Variants in PANX1 observed in about 807,000 individuals in gnomAD.
PANX1 encodes pannexin 1.
In PANX1, 30 loss-of-function variants were observed where a neutral mutation model predicts 38.7. The ratio of observed to expected loss-of-function variants is 0.78; its 90% CI spans 0.58 to 1.05. The LOEUF is 1.05. Among genes scored for constraint, PANX1 ranks in the 50% least tolerant of loss-of-function variants. The probability of loss-of-function intolerance (pLI) is 0.00; values close to 1 mark genes in which losing one functional copy is unlikely to be tolerated. For synonymous variants in PANX1, 230 were observed against 212.2 expected, an observed-to-expected ratio of 1.08 and a Z score of -0.73; for missense variants, 551 against 517.2, an observed-to-expected ratio of 1.07 and a Z score of -0.63.
chr11:94,148,097 T>G (rs1946847915), intron 1 of PANX1, among the ~76,000 whole-genome samples: 2 of 152,184 alleles, frequency 1.3e-5, no homozygotes, highest in Admixed American at 1.3e-4. Flanking sequence ...ATTTTTTAGT[T>G]TGGGCTGCGG....
chr11:94,130,711 C>T (rs1946620090), intron 1 of PANX1, among the ~76,000 whole-genome samples: 2 of 152,074 alleles, frequency 1.3e-5, no homozygotes, highest in South Asian at 4.2e-4. Context: ...AGTAAATAAG[C>T]AGCACTTGAG....
Position 94,129,118 on chromosome 11 carries a change from A to AGGC in PANX1, c.-194_-192dup, listed in dbSNP as rs1946591660. ...CCCCGCCCCGCCCCGCCGGCGGCGGAGGCAGCGAGCGCGAGAGCCCAGCGG... is the reference window on the plus strand; with the variant it reads ...CCCCGCCCCGCCCCGCCGGCGGCGGAGGCGGCAGCGAGCGCGAGAGCCCAGCGG... On this transcript the variant is annotated 5_prime_UTR_variant, in exon 1 of 5. Transcript: ENST00000227638. The AGGC allele has an allele frequency of 2.3e-6, 1 of 440,920 alleles. No homozygotes were observed. Among genetic ancestry groups the AGGC allele is most frequent in the African/African-American group, 2.1e-5 (1 of 47,218 alleles). 27.3% of individuals were successfully genotyped at this position (440,920 alleles called of 1,614,324 possible).
intron 1 of PANX1, among the ~76,000 whole-genome samples, chr11:94,147,285 A>G (rs1469305640): frequency 6.6e-6 from 1 of 152,178 alleles, no homozygotes; most frequent in Non-Finnish European, 1.5e-5. Flanking sequence ...TCTGATGACA[A>G]AAGTAAAATA....
chr11:94,175,415 AACTATTCATTGTACC>A (rs1309729077), intron 2 of PANX1, among the ~76,000 whole-genome samples: 4 of 151,764 alleles, frequency 2.6e-5, no homozygotes, highest in African/African-American at 9.8e-5. Flanking sequence ...AGCTGTGCTG[AACTATTCATTGTACC>A]ACTTATTGTA....
At chr11:94,131,770 T>G (rs1946632108) in intron 1 of PANX1, among the ~76,000 whole-genome samples, 1 of 152,134 alleles carries the variant, frequency 6.6e-6, no homozygotes. Flanking sequence ...GTACATAGAT[T>G]AATACATGGA....
chr11:94,170,610 C>T (rs1947154303), intron 2 of PANX1, among the ~76,000 whole-genome samples: 1 of 151,734 alleles, frequency 6.6e-6, no homozygotes, highest in Non-Finnish European at 1.5e-5. Flanking sequence ...TTTCTTGTGG[C>T]TTCTCCACAC....
Position 94,180,226 on chromosome 11 carries a change from G to A in PANX1, c.1170G>A (p.Glu390=). The A allele has an allele frequency of 6.2e-7, 1 of 1,608,878 alleles. No individual in the cohort carries two copies. The highest frequency in any genetic ancestry group is 8.5e-7 in the Non-Finnish European group (1 of 1,175,974). ...CTCCCATGTCTGCAGAGATGAGAGA[G>A]GAGCAGGGGAACCAGACGGCAGAGC... ...GKTPMSAEMR[E]EQGNQTAELQ... The change falls in exon 4 of 5, where the codon GAG becomes GAA. Residue 390 remains glutamate, a synonymous_variant. Coordinates refer to ENST00000227638, the MANE Select transcript of PANX1 (RefSeq NM_015368.4).
chr11:94,145,535 CAATCTTTGGCCTGT>C, intron 1 of PANX1, among the ~76,000 whole-genome samples: 1 of 152,204 alleles, frequency 6.6e-6, no homozygotes, highest in East Asian at 1.9e-4. Context: ...CATGGAACCA[CAATCTTTGGCCTGT>C]ACCAGGCTGG....
chr11:94,145,096 T>C lies in PANX1; in HGVS notation c.182-8395T>C, dbSNP rs1946812108. ...TGGTTATATGTGATTTTTTCCAACA[T>C]GTGAATGATTTGTGCCATCAAGTAA... On this transcript the variant is annotated intron_variant, in intron 1 of 4. Transcript: ENST00000227638. Among the ~76,000 whole-genome samples, 2 of 152,272 alleles carry C rather than the reference T, an allele frequency of 1.3e-5. 1 individual carries two copies. The highest frequency in any genetic ancestry group is 4.1e-4 in the South Asian group (2 of 4,826).
chr11:94,161,912 T>A (rs1465759900), intron 2 of PANX1, among the ~76,000 whole-genome samples: 2 of 152,202 alleles, frequency 1.3e-5, no homozygotes, highest in African/African-American at 4.8e-5. Context: ...GGATGTCCTT[T>A]CTCTTTGTTA....
chr11:94,163,137 C>A (rs1947066547), intron 2 of PANX1, among the ~76,000 whole-genome samples: 1 of 152,130 alleles, frequency 6.6e-6, no homozygotes, highest in Non-Finnish European at 1.5e-5. Context: ...GCGTGAGCCA[C>A]CACACCTGGC....
chr11:94,134,115 A>G (rs1440071309), intron 1 of PANX1, among the ~76,000 whole-genome samples: 3 of 152,176 alleles, frequency 2.0e-5, no homozygotes, highest in African/African-American at 7.2e-5. Context: ...TGTGCCTCAG[A>G]TTCTTTTTTA....
rs541103437 is a variant in PANX1, at chr11:94,131,570, G to T, written c.181+2077G>T. 3.9e-5 allele frequency among the ~76,000 whole-genome samples: 6 copies of T among 152,330 alleles called. No individual in the cohort carries two copies. In the South Asian group the frequency reaches 1.0e-3, roughly 26 times the overall value. On this transcript the variant is annotated intron_variant, in intron 1 of 4. Transcript: ENST00000227638. Reference sequence around the variant, plus strand: ...GCCAGGTGTTGAGCTATGAGCTCCAGGCTGGTGAAGGTTGGCAGGCACTTG... The same window carrying T: ...GCCAGGTGTTGAGCTATGAGCTCCATGCTGGTGAAGGTTGGCAGGCACTTG...
At chr11:94,135,186 CG>C (rs1946674360) in intron 1 of PANX1, among the ~76,000 whole-genome samples, 1 of 152,096 alleles carries the variant, frequency 6.6e-6, no homozygotes, top group South Asian at 2.1e-4. Flanking sequence ...TCTGGTCAGC[CG>C]GGGACCCTGC....
At chr11:94,168,427 T>A (rs906279606) in intron 2 of PANX1, among the ~76,000 whole-genome samples, 4 of 150,922 alleles carry the variant, frequency 2.7e-5, no homozygotes, top group Non-Finnish European at 2.9e-5. Flanking sequence ...AGTAATGGTG[T>A]ACAGGAGAGA....
chr11:94,144,630 G>T (rs1210851935), intron 1 of PANX1, among the ~76,000 whole-genome samples: 2 of 152,146 alleles, frequency 1.3e-5, no homozygotes, highest in Non-Finnish European at 2.9e-5. Context: ...GGAGATTGGT[G>T]CTGGCCCTTT....
intron 1 of PANX1, among the ~76,000 whole-genome samples, chr11:94,144,104 C>G (rs2134483551): frequency 6.6e-6 from 1 of 152,112 alleles, no homozygotes; most frequent in African/African-American, 2.4e-5. Flanking sequence ...CAGTGAAGAC[C>G]AGCTGAAGAG....
intron 1 of PANX1, among the ~76,000 whole-genome samples, chr11:94,147,891 A>G (rs1284851481): frequency 1.3e-5 from 2 of 152,160 alleles, no homozygotes; most frequent in Non-Finnish European, 2.9e-5. Context: ...GATCTATTCA[A>G]CAGGGTTGGG....
rs771621539 is a variant in PANX1 at position 94,180,004 on chromosome 11, T to A, written c.948T>A (p.Asp316Glu). The A allele has an allele frequency of 3.8e-6, 6 of 1,596,374 alleles. No individual in the cohort carries two copies. Among genetic ancestry groups the A allele is most frequent in the Non-Finnish European group, 5.1e-6 (6 of 1,168,364 alleles). ...LKVYEILPTFDVLHFKSEGYN... is the reference protein window; with the variant it reads ...LKVYEILPTFEVLHFKSEGYN... ...TGTACGAAATCCTCCCCACTTTTGA[T>A]GTTCTGCATTTCAAATCTGAAGGGT... The change falls in exon 4 of 5, where the codon GAT (aspartate) becomes GAA (glutamate). Residue 316 changes from aspartate to glutamate, a missense_variant. Transcript: ENST00000227638.
Sources: allele counts gnomAD v4.1 joint callset (sites outside exome capture counted in the v4.1 genomes callset), GRCh38; gene constraint gnomAD v4.1.1; transcripts MANE v1.5; gene names NCBI Gene and HGNC (gene_info 2026-07-23, HGNC 2026-07-21).